ATP2B4: variants seen among roughly 807,000 people sequenced by gnomAD.
The protein encoded by ATP2B4 is ATPase plasma membrane Ca2+ transporting 4, also known as plasma membrane calcium-transporting ATPase 4.
ATP2B4 carries 39 observed loss-of-function variants against 110.3 expected under a neutral mutation model. The observed-to-expected ratio is 0.35, with a 90% CI of 0.27 to 0.46. The LOEUF (loss-of-function observed/expected upper bound fraction) is 0.46. Ranked by LOEUF, ATP2B4 falls within the 20% of genes least tolerant of loss-of-function variation. ATP2B4 has a pLI of 1.00. For synonymous variants in ATP2B4, 538 were observed against 571.7 expected (o/e 0.94, Z 0.84); for missense variants, 1,135 against 1,530.9 (o/e 0.74, Z 4.32).
At chr1:203,694,321 C>G (rs1358299004) in intron 2 of ATP2B4, among the ~76,000 whole-genome samples, 2 of 152,144 alleles carry the variant, frequency 1.3e-5, no homozygotes, top group African/African-American at 4.8e-5. Flanking sequence ...CTATTATATG[C>G]TAGGTGAGAA....
intron 2 of ATP2B4, among the ~76,000 whole-genome samples, chr1:203,684,210 A>G (rs1209426705): frequency 6.6e-6 from 1 of 152,140 alleles, no homozygotes; most frequent in Non-Finnish European, 1.5e-5. Context: ...TCTCTATTGT[A>G]TACTGTTAGA....
At chr1:203,671,841 G>A (rs143722700) in intron 1 of ATP2B4, among the ~76,000 whole-genome samples, 2 of 152,336 alleles carry the variant, frequency 1.3e-5, no homozygotes, top group Admixed American at 6.5e-5. Context: ...GAGGAAACAC[G>A]TGTCTCCTCA....
chr1:203,636,482 G>A (rs996108322), intron 1 of ATP2B4, among the ~76,000 whole-genome samples: 2 of 152,144 alleles, frequency 1.3e-5, no homozygotes, highest in South Asian at 2.1e-4. Flanking sequence ...TGTAGGTGAC[G>A]GCTATTAATC....
chr1:203,724,491 T>C (rs1666444076), intron 19 of ATP2B4, among the ~76,000 whole-genome samples: 1 of 151,506 alleles, frequency 6.6e-6, no homozygotes, highest in Non-Finnish European at 1.5e-5. Context: ...CACTCCAGCC[T>C]GGGCGACAGA....
In ATP2B4 at chr1:203,740,795, G is replaced by A. The variant is rs1448235702; in HGVS notation, c.*941G>A. The A allele has an allele frequency of 6.6e-6, 1 of 152,288 alleles. No individual in the cohort carries two copies. The highest frequency in any genetic ancestry group is 2.4e-5 in the African/African-American group (1 of 41,460). 9.4% of individuals were successfully genotyped at this position (152,288 alleles called of 1,614,324 possible). A position where few individuals can be genotyped will look rare whatever the true frequency, so the allele number is the denominator to read the frequency against. ...TAAAGTGGTGGCAAAAGAATGAACT[G>A]GGTATGACCCTGCCCCCTTACTGGG... On this transcript the variant is annotated 3_prime_UTR_variant, in exon 21 of 21. Coordinates refer to ENST00000357681, the MANE Select transcript of ATP2B4 (RefSeq NM_001684.5).
At chr1:203,645,066 C>G (rs1022873407) in intron 1 of ATP2B4, among the ~76,000 whole-genome samples, 3 of 152,318 alleles carry the variant, frequency 2.0e-5, no homozygotes, top group Non-Finnish European at 4.4e-5. Context: ...CACTGCTTAA[C>G]AACAATGTCA....
chr1:203,685,534 T>C (rs1665153686), intron 2 of ATP2B4, among the ~76,000 whole-genome samples: 1 of 44,136 alleles, frequency 2.3e-5, no homozygotes, highest in African/African-American at 4.6e-5. Context: ...ACTTGGAGCC[T>C]AGACTCTTTA....
chr1:203,634,884 G>A (rs1039229758), intron 1 of ATP2B4, among the ~76,000 whole-genome samples: 1 of 152,126 alleles, frequency 6.6e-6, no homozygotes, highest in Non-Finnish European at 1.5e-5. Context: ...GATTGGGCTC[G>A]AAATCCTGGG....
chr1:203,700,084 T>A, intron 4 of ATP2B4, 122 bp from the exon 5 acceptor site: 1 of 1,193,596 alleles, frequency 8.4e-7, no homozygotes, highest in Non-Finnish European at 1.2e-6. Context: ...TCTCGGCCAT[T>A]GCTGTCTAGA....
At position 203,712,150 on chromosome 1, in the gene ATP2B4, G is replaced by T. The variant is rs764266287; in HGVS notation, c.2211+11G>T. 3.7e-6 allele frequency: 6 copies of T among 1,612,754 alleles called. No homozygotes were observed. Among genetic ancestry groups the T allele is most frequent in the Middle Eastern group, 1.7e-4 (1 of 5,954 alleles). On this transcript the variant is annotated intron_variant, in intron 13 of 20. Transcript: ENST00000357681. Reference sequence around the variant, plus strand: ...AACGAGAAAGGCGAGGTGGGTCCTGGCTAGGGGGAACCAGGACCTCACCTG... The same window carrying T: ...AACGAGAAAGGCGAGGTGGGTCCTGTCTAGGGGGAACCAGGACCTCACCTG...
At chr1:203,686,264 A>G (rs1352810797) in intron 2 of ATP2B4, among the ~76,000 whole-genome samples, 1 of 152,110 alleles carries the variant, frequency 6.6e-6, no homozygotes, top group African/African-American at 2.4e-5. Flanking sequence ...TTCCCTTCCT[A>G]TGCTGTTCTT....
At chr1:203,721,716 G>A (rs1571763594) in intron 17 of ATP2B4, among the ~76,000 whole-genome samples, 1 of 142,334 alleles carries the variant, frequency 7.0e-6, no homozygotes, top group South Asian at 2.3e-4. Flanking sequence ...AGGCTGGAGT[G>A]CAGTGGCGCT....
At chr1:203,708,155 A>G (rs1665904599) in intron 10 of ATP2B4, 51 bp downstream of exon 10, 1 of 1,605,724 alleles carries the variant, frequency 6.2e-7, no homozygotes, top group Non-Finnish European at 8.5e-7. Context: ...GGAAGGGAAC[A>G]TCCATTTTCT....
At chr1:203,712,657 T>C (rs1472322268) in intron 13 of ATP2B4, among the ~76,000 whole-genome samples, 1 of 151,246 alleles carries the variant, frequency 6.6e-6, no homozygotes, top group African/African-American at 2.4e-5. Context: ...ATTCACAAGC[T>C]ATCTTTTGAG....
At chr1:203,649,579 T>A (rs1663912373) in intron 1 of ATP2B4, among the ~76,000 whole-genome samples, 1 of 152,152 alleles carries the variant, frequency 6.6e-6, no homozygotes, top group African/African-American at 2.4e-5. Context: ...GAGACCAGTC[T>A]GAGTAACATG....
chr1:203,650,037 C>T (rs1288301600), intron 1 of ATP2B4, among the ~76,000 whole-genome samples: 5 of 152,216 alleles, frequency 3.3e-5, no homozygotes, highest in African/African-American at 9.7e-5. Flanking sequence ...AGATTTACCC[C>T]AGCCTTCCCT....
intron 20 of ATP2B4, among the ~76,000 whole-genome samples, chr1:203,736,200 C>T (rs1403049547): frequency 5.3e-5 from 8 of 152,172 alleles, no homozygotes; most frequent in African/African-American, 1.4e-4. Flanking sequence ...CGCGGTGGCT[C>T]ACGCCTGTAA....
intron 1 of ATP2B4, among the ~76,000 whole-genome samples, chr1:203,663,814 G>T (rs1294966433): frequency 6.6e-6 from 1 of 152,038 alleles, no homozygotes; most frequent in Non-Finnish European, 1.5e-5. Context: ...GTATTGCCCA[G>T]GCTGGTCTCA....
chr1:203,706,783 G>A (rs751080007), intron 8 of ATP2B4, among the ~76,000 whole-genome samples: 1 of 152,180 alleles, frequency 6.6e-6, no homozygotes, highest in Non-Finnish European at 1.5e-5. Context: ...TCAAGTTAGT[G>A]CAGTGCTGAG....
Sources: gnomAD v4.1 joint callset for allele counts (sites outside exome capture counted in the v4.1 genomes callset) on GRCh38, gnomAD v4.1.1 for gene constraint, MANE v1.5 for transcripts, NCBI Gene and HGNC (gene_info 2026-07-23, HGNC 2026-07-21) for gene names.